Variants in XPO6 observed in about 807,000 individuals in gnomAD.
XPO6 encodes the protein exportin 6.
Under a neutral mutation model 130.0 loss-of-function variants are expected in XPO6, and 3 were observed. The ratio of observed to expected loss-of-function variants is 0.02; its 90% CI spans 0.01 to 0.06. XPO6 has a LOEUF of 0.06. Among genes scored for constraint, XPO6 ranks in the 10% least tolerant of loss-of-function variants. The pLI is 1.00. For missense variants in XPO6, 970 were observed against 1,393.0 expected (o/e 0.70, Z 4.83); for synonymous variants, 524 against 548.9 (o/e 0.95, Z 0.63).
At chr16:28,125,577 G>A (rs1352429632) in intron 13 of XPO6, 112 bp downstream of exon 13, 9 of 1,389,482 alleles carry the variant, frequency 6.5e-6, no homozygotes, top group Non-Finnish European at 8.7e-6. Flanking sequence ...GCAGAGCCTA[G>A]ATTTACCCGG....
Position 28,156,501 on chromosome 16 carries a change from T to A in XPO6, c.670A>T (p.Ser224Cys), listed in dbSNP as rs1567628123. The A allele has an allele frequency of 6.3e-7, 1 of 1,582,686 alleles. No homozygotes were observed. The highest frequency in any genetic ancestry group is 8.6e-7 in the Non-Finnish European group (1 of 1,160,304). The change falls in exon 7 of 24, where the codon AGT becomes TGT. Residue 224 changes from serine (S) to cysteine (C), a missense_variant. Ser to Cys is a moderately radical substitution (Grantham distance 112). This residue lies in a region of XPO6 where 936 missense variants were observed against 1,306.8 expected (regional missense o/e 0.72). Coordinates refer to ENST00000304658, the MANE Select transcript of XPO6 (RefSeq NM_015171.4). ...TTCAACAGTTTGGCTGAACTGGGACTCTGCAACAGGTTACTCAGTAAGTCA... is the reference window on the plus strand; with the variant it reads ...TTCAACAGTTTGGCTGAACTGGGACACTGCAACAGGTTACTCAGTAAGTCA... ...SGDLLSNLLQ[S>C]PSSAKLLNQP... is the part of the protein sequence containing the mutation.
chr16:28,113,762 T>A (rs1415809922), intron 15 of XPO6, among the ~76,000 whole-genome samples: 1 of 147,744 alleles, frequency 6.8e-6, no homozygotes, highest in East Asian at 2.0e-4. Flanking sequence ...GCTACATTCA[T>A]GAATGTGTGC....
Position 28,112,961 on chromosome 16 carries a change from T to C in XPO6, c.2094A>G (p.Ala698=), listed in dbSNP as rs1596796863. 2.2e-5 allele frequency: 36 copies of C among 1,614,082 alleles called. No homozygotes were observed. Among genetic ancestry groups the C allele is most frequent in the Non-Finnish European group, 3.1e-5 (36 of 1,180,048 alleles). The change falls in exon 16 of 24, where the codon GCA becomes GCG. Residue 698 remains alanine (A), a synonymous_variant. Coordinates refer to ENST00000304658, the MANE Select transcript of XPO6 (RefSeq NM_015171.4). ...VRPVFLISIP[A]VQKVFNRITD... ...TGATTCTGTTGAATACTTTCTGCAC[T>C]GCAGGGATGCTGATCAGAAAGACGG...
intron 9 of XPO6, among the ~76,000 whole-genome samples, chr16:28,140,672 G>A (rs1479974807): frequency 2.9e-5 from 4 of 138,746 alleles, no homozygotes; most frequent in Admixed American, 7.2e-5. Context: ...GTGAGACCCC[G>A]TCTCAAAAAA....
At position 28,132,574 on chromosome 16, in the gene XPO6, C is replaced by A. The variant is rs749590329; in HGVS notation, c.1537-171G>T. The stretch of plus-strand genomic sequence containing the variant: ...AAAAGCTATGACCCCCCTTCAGTGC[C>A]CCCCAACTAGTTTCTATAATTGAAA... On this transcript the variant is annotated intron_variant, in intron 11 of 23. Transcript: ENST00000304658. The surrounding 1 kb of genome is among the most constrained non-coding windows in gnomAD (Gnocchi z 4.0). 4.0e-5 allele frequency among the ~76,000 whole-genome samples: 6 copies of A among 150,782 alleles called. No homozygotes were observed. Among genetic ancestry groups the A allele is most frequent in the Non-Finnish European group, 8.9e-5 (6 of 67,776 alleles).
At chr16:28,193,834 T>C (rs1292301253) in intron 1 of XPO6, among the ~76,000 whole-genome samples, 1 of 152,140 alleles carries the variant, frequency 6.6e-6, no homozygotes, top group African/African-American at 2.4e-5. Context: ...ACTCAGTCCG[T>C]CTCTCAGCTC....
chr16:28,151,648 T>C (rs1204174494), intron 8 of XPO6, among the ~76,000 whole-genome samples: 1 of 152,192 alleles, frequency 6.6e-6, no homozygotes, highest in East Asian at 1.9e-4. Flanking sequence ...TACATGCATA[T>C]GTCAATTTGG....
intron 9 of XPO6, among the ~76,000 whole-genome samples, chr16:28,137,868 C>T (rs546316242): frequency 6.0e-4 from 92 of 152,202 alleles, no homozygotes; most frequent in African/African-American, 1.9e-3. Context: ...CCCTCCTCCC[C>T]ACTCCCTCTC....
At chr16:28,196,926 G>A (rs773492788) in intron 1 of XPO6, among the ~76,000 whole-genome samples, 6 of 152,118 alleles carry the variant, frequency 3.9e-5, no homozygotes, top group Non-Finnish European at 8.8e-5. Flanking sequence ...AAAATTGGGA[G>A]CCAAATACAC....
intron 4 of XPO6, among the ~76,000 whole-genome samples, chr16:28,173,691 G>C (rs866821563): frequency 1.3e-5 from 2 of 152,286 alleles, no homozygotes; most frequent in East Asian, 3.9e-4. Flanking sequence ...TCAAAGTCAC[G>C]AAAGCTACAT....
intron 8 of XPO6, among the ~76,000 whole-genome samples, chr16:28,150,870 T>A (rs2043073847): frequency 6.6e-6 from 1 of 152,076 alleles, no homozygotes; most frequent in Non-Finnish European, 1.5e-5. Flanking sequence ...CTCCCCTACA[T>A]CCTCACCCTC....
intron 1 of XPO6, among the ~76,000 whole-genome samples, chr16:28,203,179 G>A (rs2043977698): frequency 6.6e-6 from 1 of 151,994 alleles, no homozygotes; most frequent in East Asian, 1.9e-4. Flanking sequence ...GGAGGCTGAG[G>A]TGGGAGGATC....
chr16:28,150,684 G>T (rs1206499433), intron 8 of XPO6, among the ~76,000 whole-genome samples: 1 of 152,104 alleles, frequency 6.6e-6, no homozygotes, highest in Non-Finnish European at 1.5e-5. Context: ...TCAAGACATT[G>T]TCATTCCATC....
intron 1 of XPO6, among the ~76,000 whole-genome samples, chr16:28,181,715 G>A (rs1470887938): frequency 6.6e-6 from 1 of 152,074 alleles, no homozygotes; most frequent in Non-Finnish European, 1.5e-5. Context: ...GGCATTCCAG[G>A]AGTCATACAG....
chr16:28,146,323 T>G, intron 8 of XPO6, 120 bp from the exon 9 acceptor site: 1 of 816,864 alleles, frequency 1.2e-6, no homozygotes, highest in Admixed American at 2.6e-5. Flanking sequence ...GATTCCCCAG[T>G]TTCCTGGTAA....
At chr16:28,201,570 G>A (rs2043952983) in intron 1 of XPO6, among the ~76,000 whole-genome samples, 1 of 152,180 alleles carries the variant, frequency 6.6e-6, no homozygotes. Context: ...TAAGAATGTA[G>A]TCTTGGCCGG....
chr16:28,188,024 T>C lies in XPO6; in HGVS notation c.4-6993A>G, dbSNP rs550296703. Among the ~76,000 whole-genome samples the C allele has an allele frequency of 2.6e-5, 4 of 152,308 alleles. No individual in the cohort carries two copies. The South Asian group carries it at 8.3e-4, about 32-fold the overall frequency. ...CCTCAAACCCTGATTAAATCTGTAA[T>C]ATGTTACCTAATGGCCTCTAAAACA... On this transcript the variant is annotated intron_variant, in intron 1 of 23. Coordinates refer to ENST00000304658, the MANE Select transcript of XPO6 (RefSeq NM_015171.4).
At chr16:28,125,048 A>G (rs1054630093) in intron 13 of XPO6, among the ~76,000 whole-genome samples, 5 of 152,222 alleles carry the variant, frequency 3.3e-5, no homozygotes. Flanking sequence ...CTGCTGACTG[A>G]GTAGAATCAA....
intron 11 of XPO6, among the ~76,000 whole-genome samples, chr16:28,133,545 A>G (rs2042716492): frequency 2.6e-5 from 4 of 152,184 alleles, no homozygotes; most frequent in African/African-American, 7.2e-5. Flanking sequence ...TGTAACTTCT[A>G]TAAGTAACAG....
Sources: allele counts gnomAD v4.1 joint callset (sites outside exome capture counted in the v4.1 genomes callset), GRCh38; gene constraint gnomAD v4.1.1; regional missense constraint gnomAD v4.1.1; non-coding constraint Gnocchi (gnomAD v3.1); transcripts MANE v1.5; gene names NCBI Gene and HGNC (gene_info 2026-07-23, HGNC 2026-07-21).